Variants in KIAA1191 observed in about 807,000 individuals in gnomAD.
The protein encoded by KIAA1191 is putative monooxygenase p33MONOX.
A neutral mutation model predicts 31.1 loss-of-function variants in KIAA1191; 22 were observed. The ratio of observed to expected loss-of-function variants is 0.71; its 90% CI spans 0.51 to 1.01. The LOEUF (loss-of-function observed/expected upper bound fraction) is 1.01, where lower values mean the gene tolerates loss of function less well. KIAA1191 is among the 50% of genes least tolerant of loss of function. KIAA1191 has a pLI of 0.00. For missense variants in KIAA1191, 319 were observed against 388.0 expected, an observed-to-expected ratio of 0.82 and a Z score of 1.49; for synonymous variants, 130 against 143.9, an observed-to-expected ratio of 0.90 and a Z score of 0.69.
chr5:176,349,819 A>T (rs544467037), intron 6 of KIAA1191, among the ~76,000 whole-genome samples: 9 of 151,832 alleles, frequency 5.9e-5, no homozygotes, highest in African/African-American at 1.7e-4. Context: ...TCTTAAAATA[A>T]AGCTTGGAAC....
chr5:176,350,715 C>T lies in KIAA1191; in HGVS notation c.357G>A (p.Gln119=). The change falls in exon 6 of 9, where the codon CAG becomes CAA. Residue 119 remains glutamine (Q), a synonymous_variant. Transcript: ENST00000298569. The stretch of plus-strand genomic sequence containing the variant: ...TCAGCCCTGCCTGTCGCTCAAAATG[C>T]TGAATGCTTTCCTGGGTCTGTTCTG... The part of the protein sequence containing the change: ...LITKQTQESI[Q]HFERQAGLRD... 1 of 1,614,174 alleles carries T rather than the reference C, an allele frequency of 6.2e-7. No homozygotes were observed. Among genetic ancestry groups the T allele is most frequent in the South Asian group, 1.1e-5 (1 of 91,082 alleles).
At chr5:176,350,012 C>T (rs1048238656) in intron 6 of KIAA1191, among the ~76,000 whole-genome samples, 12 of 152,228 alleles carry the variant, frequency 7.9e-5, no homozygotes, top group African/African-American at 2.4e-4. Flanking sequence ...GACTTGGGTT[C>T]GGGTACTATG....
At chr5:176,352,154 T>TAAA (rs112644959) in intron 5 of KIAA1191, among the ~76,000 whole-genome samples, 2 of 115,892 alleles carry the variant, frequency 1.7e-5, no homozygotes, top group African/African-American at 6.7e-5. Flanking sequence ...TTGAGCTGTT[T>TAAA]AAAAAAAAAA....
chr5:176,352,023 T>C (rs1418721223), intron 5 of KIAA1191, among the ~76,000 whole-genome samples: 1 of 152,046 alleles, frequency 6.6e-6, no homozygotes, highest in Non-Finnish European at 1.5e-5. Flanking sequence ...GAAGTTTAGT[T>C]AGCTTGTTAT....
chr5:176,349,234 A>C (rs2113461145), intron 6 of KIAA1191, among the ~76,000 whole-genome samples: 1 of 152,298 alleles, frequency 6.6e-6, no homozygotes, highest in East Asian at 1.9e-4. Flanking sequence ...TATCCTGGAA[A>C]GTTCTCAGTT....
At chr5:176,352,858 T>A in intron 4 of KIAA1191, 110 bp from the exon 5 acceptor site, 2 of 1,222,208 alleles carry the variant, frequency 1.6e-6, no homozygotes, top group Non-Finnish European at 2.2e-6. Context: ...ATCTGGTAAG[T>A]GAGGAAATCA....
intron 1 of KIAA1191, among the ~76,000 whole-genome samples, chr5:176,360,215 G>T (rs1767879399): frequency 7.0e-6 from 1 of 142,956 alleles, no homozygotes; most frequent in Non-Finnish European, 1.5e-5. Context: ...GGAGTGCAGT[G>T]GCGCGATCTT....
In KIAA1191 at chr5:176,355,933, C is replaced by T. The variant is rs1767469796; in HGVS notation, c.29-184G>A. ...TACCAATCCCTTCCTCTATGCCTGA[C>T]ACCTTGGGTGGTCCACTTAACCCAC... On this transcript the variant is annotated intron_variant, in intron 3 of 8. Transcript: ENST00000298569. The surrounding 1 kb of genome is among the most constrained non-coding windows in gnomAD (Gnocchi z 4.2). 1 of 629,680 alleles carries T rather than the reference C, an allele frequency of 1.6e-6. No individual in the cohort carries two copies. The allele number at this position is 629,680 out of a possible 1,614,324, so 39.0% of individuals were successfully genotyped here.
Position 176,348,257 on chromosome 5 carries a change from T to C in KIAA1191, c.559A>G (p.Arg187Gly), listed in dbSNP as rs1466949585. ...GTCACAGGAAGGGCTCACCTGGGCC[T>C]CTGCTTAGGTGAAGAGTGCGGAGTG... is the stretch of plus-strand genomic sequence containing the variant. Reference protein sequence around the residue: ...STTPHSSPKQRPRGWFTSGSS... With the variant: ...STTPHSSPKQGPRGWFTSGSS... Residue 187 changes from arginine (R) to glycine (G), a missense_variant, in exon 7 of 9, where the codon AGG becomes GGG. Physicochemically the swap from Arg to Gly is moderately radical, Grantham distance 125. Coordinates refer to ENST00000298569, the MANE Select transcript of KIAA1191 (RefSeq NM_020444.5). 1.2e-6 allele frequency: 2 copies of C among 1,613,458 alleles called. No homozygotes were observed. Among genetic ancestry groups the C allele is most frequent in the East Asian group, 2.2e-5 (1 of 44,868 alleles).
intron 5 of KIAA1191, 58 bp from the exon 6 acceptor site, chr5:176,350,795 A>G: frequency 1.3e-6 from 2 of 1,597,806 alleles, no homozygotes; most frequent in East Asian, 4.5e-5. Context: ...CAAAATAAGG[A>G]GGACAACATG....
chr5:176,360,258 G>A (rs1332121093), intron 1 of KIAA1191, among the ~76,000 whole-genome samples: 2 of 148,382 alleles, frequency 1.3e-5, no homozygotes, highest in Non-Finnish European at 3.0e-5. Flanking sequence ...CCGGGTTCAC[G>A]CCATTCTCCT....
In KIAA1191 at chr5:176,350,705, G is replaced by T. The variant is rs374948228; in HGVS notation, c.367C>A (p.Arg123=). 84 of 1,614,056 alleles carry T rather than the reference G, an allele frequency of 5.2e-5. 1 individual carries two copies. The Middle Eastern group carries it at 6.6e-4, about 13-fold the overall frequency. The change falls in exon 6 of 9, where the codon CGA becomes AGA. Residue 123 remains arginine, a synonymous_variant. Transcript: ENST00000298569. Reference sequence around the variant, plus strand: ...CCAGCATCTCTCAGCCCTGCCTGTCGCTCAAAATGCTGAATGCTTTCCTGG... The same window carrying T: ...CCAGCATCTCTCAGCCCTGCCTGTCTCTCAAAATGCTGAATGCTTTCCTGG... ...QTQESIQHFE[R]QAGLRDAGYT...
intron 3 of KIAA1191, among the ~76,000 whole-genome samples, chr5:176,359,152 C>G (rs576783135): frequency 1.4e-5 from 2 of 142,602 alleles, no homozygotes; most frequent in Non-Finnish European, 3.0e-5. Flanking sequence ...AACCCCGTCT[C>G]TACAAAAAAT....
chr5:176,355,487 G>T lies in KIAA1191; in HGVS notation c.207+84C>A, dbSNP rs1581370783. 2 of 1,330,902 alleles carry T rather than the reference G, an allele frequency of 1.5e-6. No individual in the cohort carries two copies. The highest frequency in any genetic ancestry group is 4.6e-5 in the East Asian group (2 of 43,102). The allele number at this position is 1,330,902 out of a possible 1,614,324, so 82.4% of individuals were successfully genotyped here. On this transcript the variant is annotated intron_variant, in intron 4 of 8. Coordinates refer to ENST00000298569, the MANE Select transcript of KIAA1191 (RefSeq NM_020444.5). The surrounding 1 kb of genome is among the most constrained non-coding windows in gnomAD (Gnocchi z 4.2). ...GAGTGGTTGCTGCCCAGTCCCATGG[G>T]CACAGGGAGCCACTGAAGGCTTCTG...
At chr5:176,351,409 A>G (rs1165568946) in intron 5 of KIAA1191, among the ~76,000 whole-genome samples, 2 of 152,116 alleles carry the variant, frequency 1.3e-5, no homozygotes, top group Non-Finnish European at 2.9e-5. Context: ...GCTAGAACAC[A>G]TTCTCAAGCT....
chr5:176,346,116 CAAAT>C lies in KIAA1191; in HGVS notation c.*1480_*1483del, dbSNP rs1766479996. Reference sequence around the variant, plus strand: ...CAAAACGAGATCATAATAGAAGACACAAATAAATTAATTGTTCTCATAATTTTAG... The same window carrying C: ...CAAAACGAGATCATAATAGAAGACACAAATTAATTGTTCTCATAATTTTAG... On this transcript the variant is annotated 3_prime_UTR_variant, in exon 9 of 9. Transcript: ENST00000298569. 4 of 152,080 alleles carry C rather than the reference CAAAT, an allele frequency of 2.6e-5. No homozygotes were observed. The highest frequency in any genetic ancestry group is 2.0e-4 in the Admixed American group (3 of 15,272). The allele number at this position is 152,080 out of a possible 1,614,324, so 9.4% of individuals were successfully genotyped here.
At position 176,359,398 on chromosome 5, in the gene KIAA1191, A is replaced by G. The variant is rs1767798428; in HGVS notation, c.28+83T>C. 5.8e-6 allele frequency: 7 copies of G among 1,211,946 alleles called. No homozygotes were observed. The South Asian group carries it at 7.3e-5, about 13-fold the overall frequency. 75.1% of individuals were successfully genotyped at this position (1,211,946 alleles called of 1,614,324 possible). A position where few individuals can be genotyped will look rare whatever the true frequency, so the allele number is the denominator to read the frequency against. On this transcript the variant is annotated intron_variant, in intron 3 of 8. Transcript: ENST00000298569. ...GGTAGCAGAGATTAACCATTAATAT[A>G]TAGTTCCGATAAAATGGTTTCTGTC...
At chr5:176,360,611 G>C (rs1399655645) in intron 1 of KIAA1191, among the ~76,000 whole-genome samples, 1 of 151,226 alleles carries the variant, frequency 6.6e-6, no homozygotes, top group Non-Finnish European at 1.5e-5. Context: ...GACTAGCCTG[G>C]CCAACATGGT....
chr5:176,350,770 TC>T, intron 5 of KIAA1191, 33 bp from the exon 6 acceptor site: 1 of 1,610,836 alleles, frequency 6.2e-7, no homozygotes. Flanking sequence ...TCATGCCCAT[TC>T]CCCTCTCCCA....
Sources: gnomAD v4.1 joint callset for allele counts (sites outside exome capture counted in the v4.1 genomes callset) on GRCh38, gnomAD v4.1.1 for gene constraint, Gnocchi (gnomAD v3.1) non-coding constraint, MANE v1.5 for transcripts, NCBI Gene and HGNC (gene_info 2026-07-23, HGNC 2026-07-21) for gene names.